BDKRB2: variants seen among roughly 807,000 people sequenced by gnomAD.
The protein encoded by BDKRB2 is bradykinin receptor B2.
A neutral mutation model predicts 4.0 loss-of-function variants in BDKRB2; 6 were observed. The ratio of observed to expected loss-of-function variants is 1.49; its 90% CI spans 0.81 to 2.93. The LOEUF is 2.93. BDKRB2 is among the 30% of genes most tolerant of loss of function. The pLI, the probability that BDKRB2 is intolerant of heterozygous loss-of-function variation, is 0.00. For missense variants in BDKRB2, 478 were observed against 520.1 expected (o/e 0.92, Z 0.79); for synonymous variants, 225 against 215.3 (o/e 1.05, Z -0.40).
At chr14:96,239,240 T>C in intron 2 of BDKRB2, 6 of 980,556 alleles carry the variant, frequency 6.1e-6, no homozygotes, top group Non-Finnish European at 7.3e-6. Context: ...TGTCTTCGCA[T>C]CCACTCTTCA....
chr14:96,207,244 T>G (rs1890207871), intron 1 of BDKRB2, among the ~76,000 whole-genome samples: 1 of 152,200 alleles, frequency 6.6e-6, no homozygotes, highest in Admixed American at 6.5e-5. Flanking sequence ...GATGGATCAG[T>G]GTTTGCTGAA....
chr14:96,207,381 T>C (rs1890210962), intron 1 of BDKRB2, among the ~76,000 whole-genome samples: 1 of 151,960 alleles, frequency 6.6e-6, no homozygotes, highest in Non-Finnish European at 1.5e-5. Context: ...TTCAACTATA[T>C]GTGACATTCT....
At chr14:96,208,382 T>C (rs978213737) in intron 1 of BDKRB2, among the ~76,000 whole-genome samples, 1 of 152,058 alleles carries the variant, frequency 6.6e-6, no homozygotes, top group Non-Finnish European at 1.5e-5. Context: ...TCCAAAAAAG[T>C]CATCACAGCA....
At chr14:96,227,712 T>C (rs966198233) in intron 1 of BDKRB2, among the ~76,000 whole-genome samples, 2 of 151,748 alleles carry the variant, frequency 1.3e-5, no homozygotes, top group African/African-American at 4.8e-5. Flanking sequence ...CACACACAAA[T>C]GCACACACAT....
At chr14:96,209,643 G>A (rs1035538047) in intron 1 of BDKRB2, among the ~76,000 whole-genome samples, 1 of 152,212 alleles carries the variant, frequency 6.6e-6, no homozygotes, top group Admixed American at 6.5e-5. Context: ...AGCAGGTGGA[G>A]GAATCATCAA....
chr14:96,207,421 A>G lies in BDKRB2; in HGVS notation c.-40+2462A>G, dbSNP rs565951697. ...AAAGGCAAAACTATGAAGACAGTAA[A>G]AAATAAAAAAAATCAGTGGTTGCCA... On this transcript the variant is annotated intron_variant, in intron 1 of 2. Coordinates refer to ENST00000554311, the MANE Select transcript of BDKRB2 (RefSeq NM_001379692.1). Among the ~76,000 whole-genome samples the G allele has an allele frequency of 1.4e-4, 15 of 109,982 alleles. No individual in the cohort carries two copies. In the East Asian group the frequency reaches 4.9e-3, roughly 36 times the overall value. The allele number at this position is 109,982 out of a possible 152,430, so 72.2% of individuals were successfully genotyped here.
rs1252355336 is a variant in BDKRB2, at chr14:96,240,518, C to T, written c.190C>T (p.Leu64Phe). ...GWLNTIQPPF[L>F]WVLFVLATLE... ...GCTCAACACCATCCAGCCCCCCTTCCTCTGGGTGCTGTTCGTGCTGGCCAC... is the reference window on the plus strand; with the variant it reads ...GCTCAACACCATCCAGCCCCCCTTCTTCTGGGTGCTGTTCGTGCTGGCCAC... Residue 64 changes from leucine (L) to phenylalanine (F), a missense_variant, in exon 3 of 3, where the codon CTC becomes TTC. By Grantham distance (22) the Leu-to-Phe change is conservative. Transcript: ENST00000554311. The T allele has an allele frequency of 1.3e-6, 2 of 1,579,306 alleles. No homozygotes were observed. Among genetic ancestry groups the T allele is most frequent in the Admixed American group, 1.8e-5 (1 of 54,958 alleles).
At chr14:96,227,328 G>T (rs1365942069) in intron 1 of BDKRB2, among the ~76,000 whole-genome samples, 1 of 152,184 alleles carries the variant, frequency 6.6e-6, no homozygotes, top group Non-Finnish European at 1.5e-5. Context: ...CACAAAGTAG[G>T]TGCTATTATT....
intron 1 of BDKRB2, among the ~76,000 whole-genome samples, chr14:96,207,142 G>A (rs889129093): frequency 2.8e-4 from 43 of 152,214 alleles, no homozygotes; most frequent in African/African-American, 7.9e-4. Context: ...TCATAGCACC[G>A]GGGGACTCTG....
chr14:96,235,822 C>G (rs1274376400), intron 1 of BDKRB2, among the ~76,000 whole-genome samples: 2 of 152,066 alleles, frequency 1.3e-5, no homozygotes, highest in Non-Finnish European at 2.9e-5. Flanking sequence ...CATGCACACA[C>G]ACACACACAC....
chr14:96,217,724 C>A (rs950070434), intron 1 of BDKRB2, among the ~76,000 whole-genome samples: 1 of 151,624 alleles, frequency 6.6e-6, no homozygotes, highest in Non-Finnish European at 1.5e-5. Flanking sequence ...GCCAGAGCAC[C>A]TGTCTTGGGA....
At chr14:96,216,821 A>T (rs1043115350) in intron 1 of BDKRB2, among the ~76,000 whole-genome samples, 1 of 150,656 alleles carries the variant, frequency 6.6e-6, no homozygotes, top group Non-Finnish European at 1.5e-5. Context: ...GAGGAGGAGG[A>T]GGAGGAGATC....
intron 1 of BDKRB2, among the ~76,000 whole-genome samples, chr14:96,215,008 C>T (rs4905463): frequency 2.0e-5 from 3 of 151,874 alleles, no homozygotes; most frequent in Non-Finnish European, 4.4e-5. Flanking sequence ...ATCTTTTTTA[C>T]GTAAATAAAC....
At chr14:96,228,323 A>C (rs80237481) in intron 1 of BDKRB2, among the ~76,000 whole-genome samples, 4,957 of 152,224 alleles carry the variant, frequency 0.033, 175 homozygotes, top group East Asian at 0.16. Flanking sequence ...CTCAGTGGAG[A>C]GTGAGGGTGA....
intron 1 of BDKRB2, chr14:96,214,665 G>A (rs1890378689): frequency 6.6e-6 from 1 of 152,356 alleles, no homozygotes; most frequent in African/African-American, 2.4e-5. Flanking sequence ...CCGAAATGTG[G>A]TTTGAGTCCC....
chr14:96,237,863 C>T, intron 2 of BDKRB2: 1 of 1,288,240 alleles, frequency 7.8e-7, no homozygotes, highest in Non-Finnish European at 1.0e-6. Context: ...GATCCATCCC[C>T]TTGGCTACTG....
intron 1 of BDKRB2, among the ~76,000 whole-genome samples, chr14:96,208,135 A>G (rs978145683): frequency 2.6e-5 from 4 of 152,138 alleles, no homozygotes; most frequent in Non-Finnish European, 5.9e-5. Context: ...CTCTGAGCTA[A>G]ATATCCACAG....
chr14:96,212,477 A>G (rs1230247695), intron 1 of BDKRB2, among the ~76,000 whole-genome samples: 1 of 152,238 alleles, frequency 6.6e-6, no homozygotes. Flanking sequence ...AATTACAAAA[A>G]CAAAATGACA....
chr14:96,221,557 C>T (rs1351554977), intron 1 of BDKRB2, among the ~76,000 whole-genome samples: 4 of 152,024 alleles, frequency 2.6e-5, no homozygotes, highest in South Asian at 2.1e-4. Flanking sequence ...AGTAGACACC[C>T]GGAGGACAGA....
Sources: gnomAD v4.1 joint callset for allele counts (sites outside exome capture counted in the v4.1 genomes callset) on GRCh38, gnomAD v4.1.1 for gene constraint, MANE v1.5 for transcripts, NCBI Gene and HGNC (gene_info 2026-07-23, HGNC 2026-07-21) for gene names.